PTPRT: variants seen among roughly 807,000 people sequenced by gnomAD.
PTPRT encodes the protein protein tyrosine phosphatase receptor type T.
Under a neutral mutation model 176.8 loss-of-function variants are expected in PTPRT, and 56 were observed. That is an observed-to-expected ratio of 0.32 (90% CI 0.26 to 0.40). The LOEUF is 0.40. PTPRT is among the 10% of genes least tolerant of loss of function. The pLI is 1.00. For missense variants in PTPRT, 1,540 were observed against 1,908.2 expected (o/e 0.81, Z 3.60); for synonymous variants, 783 against 739.0 (o/e 1.06, Z -0.96).
chr20:42,068,475 A>G (rs1336877736), downstream of PTPRT, among the ~76,000 whole-genome samples: 1 of 152,060 alleles, frequency 6.6e-6, no homozygotes, highest in Non-Finnish European at 1.5e-5. Context: ...CTCAGCATAC[A>G]TTTCTTCAAG....
intron 11 of PTPRT, among the ~76,000 whole-genome samples, chr20:42,344,620 G>T (rs6102788): frequency 6.6e-6 from 1 of 151,976 alleles, no homozygotes; most frequent in Admixed American, 6.5e-5. Flanking sequence ...GATGTGGCCA[G>T]TGTGAACCGG....
intron 6 of PTPRT, among the ~76,000 whole-genome samples, chr20:42,752,546 T>C (rs1332496179): frequency 6.6e-6 from 1 of 152,216 alleles, no homozygotes; most frequent in African/African-American, 2.4e-5. Flanking sequence ...CATGGTTTTC[T>C]TTCTGTGATA....
the PTPRT span, among the ~76,000 whole-genome samples, chr20:42,046,420 G>C: frequency 6.6e-6 from 1 of 152,166 alleles, no homozygotes; most frequent in Non-Finnish European, 1.5e-5. Context: ...TGAGTGAATG[G>C]GGACATTTGC....
chr20:42,537,591 A>G (rs1015968629), intron 7 of PTPRT, among the ~76,000 whole-genome samples: 3 of 152,212 alleles, frequency 2.0e-5, no homozygotes, highest in Non-Finnish European at 4.4e-5. Context: ...GCACAGAGCC[A>G]GGATTGAAAA....
intron 1 of PTPRT, among the ~76,000 whole-genome samples, chr20:42,959,585 A>G (rs1981870903): frequency 6.6e-6 from 1 of 152,180 alleles, no homozygotes; most frequent in Non-Finnish European, 1.5e-5. Flanking sequence ...ACCATACAAT[A>G]AAGCCAAATC....
At chr20:42,822,330 G>C (rs1397953937) in intron 2 of PTPRT, among the ~76,000 whole-genome samples, 1 of 152,146 alleles carries the variant, frequency 6.6e-6, no homozygotes, top group Non-Finnish European at 1.5e-5. Context: ...AAATGGTGCT[G>C]GGATAACTGC....
intron 17 of PTPRT, among the ~76,000 whole-genome samples, chr20:42,142,394 T>C (rs1017000029): frequency 6.6e-6 from 1 of 152,174 alleles, no homozygotes; most frequent in African/African-American, 2.4e-5. Context: ...CTAGGAAATA[T>C]AGTAAATGTG....
intron 7 of PTPRT, among the ~76,000 whole-genome samples, chr20:42,618,564 T>G (rs1207560917): frequency 4.6e-5 from 6 of 130,824 alleles, no homozygotes; most frequent in Admixed American, 3.6e-4. Context: ...ATTATTAATG[T>G]GTGGGAGTCT....
chr20:42,037,933 C>A, the PTPRT span, among the ~76,000 whole-genome samples: 3 of 152,102 alleles, frequency 2.0e-5, no homozygotes, highest in Admixed American at 6.5e-5. Context: ...CAGGAGGGGA[C>A]AGTGGCTGCC....
chr20:42,128,611 A>C (rs1272175760), intron 19 of PTPRT, 143 bp downstream of exon 19: 9 of 601,568 alleles, frequency 1.5e-5, no homozygotes, highest in African/African-American at 1.9e-5. Flanking sequence ...TGGACAGTCA[A>C]CTTGGGTTAC....
intron 1 of PTPRT, among the ~76,000 whole-genome samples, chr20:42,895,546 G>T (rs2079281029): frequency 6.6e-6 from 1 of 152,120 alleles, no homozygotes; most frequent in African/African-American, 2.4e-5. Context: ...TACCCCAGAG[G>T]CCAGGAATCT....
chr20:43,086,903 A>G (rs1263061631), intron 1 of PTPRT, among the ~76,000 whole-genome samples: 2 of 152,178 alleles, frequency 1.3e-5, no homozygotes, highest in African/African-American at 4.8e-5. Flanking sequence ...TTTTATTTTA[A>G]TTTATTCTGG....
chr20:42,468,017 G>A (rs1189104362), intron 8 of PTPRT, among the ~76,000 whole-genome samples: 1 of 152,200 alleles, frequency 6.6e-6, no homozygotes, highest in Non-Finnish European at 1.5e-5. Context: ...TTTTGTCTGA[G>A]ACATTTGTGG....
At chr20:42,589,237 A>T (rs1406084754) in intron 7 of PTPRT, among the ~76,000 whole-genome samples, 4 of 152,168 alleles carry the variant, frequency 2.6e-5, no homozygotes, top group Non-Finnish European at 5.9e-5. Context: ...GAGGTGGGGG[A>T]GTTCTCTCAT....
At chr20:42,115,585 CA>C (rs1987234892) in intron 21 of PTPRT, among the ~76,000 whole-genome samples, 1 of 152,220 alleles carries the variant, frequency 6.6e-6, no homozygotes, top group African/African-American at 2.4e-5. Flanking sequence ...AATGCATTAT[CA>C]CACTATGTCA....
chr20:42,794,539 G>T (rs73098065), intron 2 of PTPRT, among the ~76,000 whole-genome samples: 44,643 of 152,120 alleles, frequency 0.29, 8,377 homozygotes, highest in Non-Finnish European at 0.42. Flanking sequence ...ATGTCCCAGA[G>T]CTCAAGAGCC....
intron 1 of PTPRT, among the ~76,000 whole-genome samples, chr20:43,006,767 G>T (rs144787615): frequency 7.0e-4 from 106 of 152,288 alleles, no homozygotes; most frequent in Non-Finnish European, 1.4e-3. Flanking sequence ...CCGCTGCTCA[G>T]CAGTGCCCCT....
chr20:42,392,819 G>A (rs977189057), intron 9 of PTPRT, among the ~76,000 whole-genome samples: 4 of 152,116 alleles, frequency 2.6e-5, no homozygotes, highest in South Asian at 2.1e-4. Flanking sequence ...TTTCCTCATC[G>A]GTTGCTAGGT....
chr20:42,800,747 AG>A (rs1300305901), intron 2 of PTPRT, among the ~76,000 whole-genome samples: 10 of 152,182 alleles, frequency 6.6e-5, no homozygotes. Flanking sequence ...ACAAATGGAA[AG>A]GGGGAGAAAA....
Sources: gnomAD v4.1 joint callset for allele counts (sites outside exome capture counted in the v4.1 genomes callset) on GRCh38, gnomAD v4.1.1 for gene constraint, MANE v1.5 for transcripts, NCBI Gene and HGNC (gene_info 2026-07-23, HGNC 2026-07-21) for gene names.